SP3: variants seen among roughly 807,000 people sequenced by gnomAD.
SP3 encodes the protein Sp3 transcription factor, also known as transcription factor Sp3.
SP3 carries 10 observed loss-of-function variants against 70.3 expected under a neutral mutation model. That is an observed-to-expected ratio of 0.14 (90% CI 0.09 to 0.24). The LOEUF (loss-of-function observed/expected upper bound fraction) is 0.24, where lower values mean the gene tolerates loss of function less well. SP3 is among the 10% of genes least tolerant of loss of function. The probability of loss-of-function intolerance (pLI) is 1.00; values close to 1 mark genes in which losing one functional copy is unlikely to be tolerated. For synonymous variants in SP3, 402 were observed against 333.5 expected (o/e 1.21, Z -2.24); for missense variants, 825 against 914.6 (o/e 0.90, Z 1.26).
chr2:173,928,605 G>GA (rs1030897174), intron 4 of SP3, among the ~76,000 whole-genome samples: 3 of 151,058 alleles, frequency 2.0e-5, no homozygotes, highest in Non-Finnish European at 4.4e-5. Flanking sequence ...ATAAATAGAA[G>GA]AAAAAATGCT....
chr2:173,930,164 C>T (rs779469288), intron 4 of SP3, among the ~76,000 whole-genome samples: 2 of 152,192 alleles, frequency 1.3e-5, no homozygotes, highest in African/African-American at 4.8e-5. Context: ...TTAATCCTTT[C>T]AGACATTTTA....
intron 3 of SP3, among the ~76,000 whole-genome samples, chr2:173,956,927 G>A (rs1165471214): frequency 6.6e-6 from 1 of 152,098 alleles, no homozygotes; most frequent in Non-Finnish European, 1.5e-5. Flanking sequence ...TAGAATGTCT[G>A]GCATATACCT....
chr2:173,913,053 A>T lies in SP3; in HGVS notation c.2029+17T>A, dbSNP rs1210317583. On this transcript the variant is annotated intron_variant, in intron 6 of 6. Coordinates refer to ENST00000310015, the MANE Select transcript of SP3 (RefSeq NM_003111.5). ...CCTATAATTCATTTTTGTCTGTTAAAAGTAAGTATTAGTAACCTGTATGTG... is the reference window on the plus strand; with the variant it reads ...CCTATAATTCATTTTTGTCTGTTAATAGTAAGTATTAGTAACCTGTATGTG... 1.3e-6 allele frequency: 2 copies of T among 1,531,298 alleles called. No homozygotes were observed. The highest frequency in any genetic ancestry group is 2.8e-5 in the African/African-American group (2 of 72,628). 94.9% of individuals were successfully genotyped at this position (1,531,298 alleles called of 1,614,324 possible). A position where few individuals can be genotyped will look rare whatever the true frequency, so the allele number is the denominator to read the frequency against.
rs1689252017 is a variant in SP3 at position 173,904,248 on chromosome 2, T to C, written c.*5693A>G. Among the ~76,000 whole-genome samples the C allele has an allele frequency of 6.6e-6, 1 of 152,104 alleles. No homozygotes were observed. The highest frequency in any genetic ancestry group is 1.5e-5 in the Non-Finnish European group (1 of 68,018). ...CAGGACCAGTCTGTGGCCCAGGTGG[T>C]TCCTCACAGACCAGGGACCAGTACC... On this transcript the variant is annotated 3_prime_UTR_variant, in exon 7 of 7. Coordinates refer to ENST00000310015, the MANE Select transcript of SP3 (RefSeq NM_003111.5).
chr2:173,963,774 GC>G lies in SP3; in HGVS notation c.265del (p.Ala89ProfsTer14). The part of the protein sequence containing the change: ...EEAAAAAGAP[A>X]AAGATGDLAS... ...CGCGGGACTTACCGCTCCGGCGGCGGCGGGGGCCCCGGCTGCGGCGGCCGCC... is the reference window on the plus strand; with the variant it reads ...CGCGGGACTTACCGCTCCGGCGGCGGGGGGGCCCCGGCTGCGGCGGCCGCC... On this transcript the variant is annotated frameshift_variant, in exon 3 of 7. Transcript: ENST00000310015. LOFTEE classifies it high-confidence loss of function. 7.5e-7 allele frequency: 1 copy of G among 1,327,278 alleles called. No homozygotes were observed. The highest frequency in any genetic ancestry group is 1.6e-5 in the South Asian group (1 of 64,334). 82.2% of individuals were successfully genotyped at this position (1,327,278 alleles called of 1,614,324 possible). A position where few individuals can be genotyped will look rare whatever the true frequency, so the allele number is the denominator to read the frequency against.
rs374048440 is a variant in SP3, at chr2:173,911,503, C to G, written c.2030-1246G>C. Reference sequence around the variant, plus strand: ...ACAAGGTTAGGAAATGCTACACACACATTACATCACTAACTTATAGATGCA... The same window carrying G: ...ACAAGGTTAGGAAATGCTACACACAGATTACATCACTAACTTATAGATGCA... On this transcript the variant is annotated intron_variant, in intron 6 of 6. Transcript: ENST00000310015. 4.6e-5 allele frequency among the ~76,000 whole-genome samples: 7 copies of G among 152,328 alleles called. No individual in the cohort carries two copies. The East Asian group carries it at 1.2e-3, about 25-fold the overall frequency.
intron 4 of SP3, among the ~76,000 whole-genome samples, chr2:173,936,256 T>G (rs1690208141): frequency 6.6e-6 from 1 of 152,094 alleles, no homozygotes; most frequent in Non-Finnish European, 1.5e-5. Context: ...TGACCTCAGG[T>G]GATCCACCTG....
At chr2:173,945,306 CACT>C (rs771746747) in intron 4 of SP3, among the ~76,000 whole-genome samples, 40 of 152,216 alleles carry the variant, frequency 2.6e-4, no homozygotes, top group Non-Finnish European at 4.6e-4. Context: ...ATACTGTTCC[CACT>C]ACATCAGAAG....
chr2:173,916,861 C>T (rs6433451), intron 5 of SP3: 109,096 of 151,954 alleles, frequency 0.72, 40,142 homozygotes, highest in African/African-American at 0.85. Context: ...GTTAAATCAC[C>T]CTACATCCAT....
rs149079831 is a variant in SP3 at position 173,903,112 on chromosome 2, G to A, written c.*6829C>T. ...TAGGTGGATCAAGGTGACTTAACAA[G>A]GTGAATTAACTCATTAATACAACAA... is the stretch of plus-strand genomic sequence containing the variant. On this transcript the variant is annotated 3_prime_UTR_variant, in exon 7 of 7. Transcript: ENST00000310015. Among the ~76,000 whole-genome samples, 3 of 152,292 alleles carry A rather than the reference G, an allele frequency of 2.0e-5. No individual in the cohort carries two copies. Among genetic ancestry groups the A allele is most frequent in the Non-Finnish European group, 4.4e-5 (3 of 68,026 alleles).
At chr2:173,965,519 A>T, upstream of SP3, 1 of 274,438 alleles carries the variant, frequency 3.6e-6, no homozygotes, top group Non-Finnish European at 7.0e-6. Context: ...GGGAGAGACA[A>T]TGAGCGGCCG....
At chr2:173,965,096 G>C in intron 1 of SP3, 69 bp downstream of exon 1, 1 of 1,541,126 alleles carries the variant, frequency 6.5e-7, no homozygotes, top group Non-Finnish European at 8.8e-7. Flanking sequence ...CAGCGGCCCC[G>C]GGCTGGCTGT....
intron 4 of SP3, among the ~76,000 whole-genome samples, chr2:173,920,929 C>T (rs1204806867): frequency 6.6e-6 from 1 of 152,034 alleles, no homozygotes; most frequent in Non-Finnish European, 1.5e-5. Flanking sequence ...GTAGGTGCTC[C>T]ATGGGGATAG....
chr2:173,927,937 T>C (rs1689963413), intron 4 of SP3, among the ~76,000 whole-genome samples: 1 of 152,198 alleles, frequency 6.6e-6, no homozygotes, highest in Non-Finnish European at 1.5e-5. Flanking sequence ...TTAAAAGTAA[T>C]TTATGGTATC....
intron 4 of SP3, among the ~76,000 whole-genome samples, chr2:173,931,184 T>C (rs1404900629): frequency 2.0e-5 from 3 of 152,180 alleles, no homozygotes; most frequent in African/African-American, 4.8e-5. Context: ...TCGTAATCTT[T>C]TTGCTGGTGG....
At chr2:173,964,296 G>C (rs1246181919) in intron 2 of SP3, 109 bp downstream of exon 2, 2 of 566,426 alleles carry the variant, frequency 3.5e-6, no homozygotes, top group Non-Finnish European at 6.3e-6. Context: ...GGAGTGGAGG[G>C]GAGGGGAGAG....
intron 4 of SP3, among the ~76,000 whole-genome samples, chr2:173,921,901 C>T (rs1689764857): frequency 6.6e-6 from 1 of 152,128 alleles, no homozygotes; most frequent in Admixed American, 6.5e-5. Flanking sequence ...ACCTTCCCTC[C>T]TACTCTTTCT....
At chr2:173,932,844 T>G (rs1474192899) in intron 4 of SP3, among the ~76,000 whole-genome samples, 1 of 151,900 alleles carries the variant, frequency 6.6e-6, no homozygotes, top group African/African-American at 2.4e-5. Flanking sequence ...TACAAAACAT[T>G]AGCCAGGCTT....
intron 4 of SP3, among the ~76,000 whole-genome samples, chr2:173,935,096 T>C (rs144004214): frequency 1.2e-4 from 18 of 152,288 alleles, no homozygotes; most frequent in African/African-American, 4.1e-4. Context: ...GTCGATGTTC[T>C]AGGCCAGGTG....
Sources: allele counts gnomAD v4.1 joint callset (sites outside exome capture counted in the v4.1 genomes callset), GRCh38; gene constraint gnomAD v4.1.1; transcripts MANE v1.5; gene names NCBI Gene and HGNC (gene_info 2026-07-23, HGNC 2026-07-21).